Variants in FAM193A observed in about 807,000 individuals in gnomAD.
The protein encoded by FAM193A is protein FAM193A.
FAM193A carries 22 observed loss-of-function variants against 126.5 expected under a neutral mutation model. The observed-to-expected ratio is 0.17, with a 90% CI of 0.12 to 0.25. The LOEUF (loss-of-function observed/expected upper bound fraction) is 0.25. Ranked by LOEUF, FAM193A falls within the 10% of genes least tolerant of loss-of-function variation. The pLI is 1.00. For missense variants in FAM193A, 1,675 were observed against 1,672.8 expected, an observed-to-expected ratio of 1.00 and a Z score of -0.02; for synonymous variants, 761 against 646.8, an observed-to-expected ratio of 1.18 and a Z score of -2.68.
At chr4:2,712,818 T>G (rs1202215760) in intron 19 of FAM193A, among the ~76,000 whole-genome samples, 1 of 151,980 alleles carries the variant, frequency 6.6e-6, no homozygotes, top group Non-Finnish European at 1.5e-5. Flanking sequence ...AAAAAAATTG[T>G]GGGGCTGGGC....
intron 1 of FAM193A, among the ~76,000 whole-genome samples, chr4:2,540,641 C>T (rs768848681): frequency 6.6e-6 from 1 of 152,020 alleles, no homozygotes; most frequent in Non-Finnish European, 1.5e-5. Flanking sequence ...GAGTGAGACT[C>T]CGTCTCAAAA....
intron 19 of FAM193A, among the ~76,000 whole-genome samples, chr4:2,710,108 T>C (rs915236829): frequency 2.6e-5 from 4 of 151,916 alleles, no homozygotes; most frequent in African/African-American, 9.7e-5. Context: ...ATGTATTTTG[T>C]TAGTTTTTTA....
At chr4:2,730,456 C>T (rs1048889444) in intron 20 of FAM193A, among the ~76,000 whole-genome samples, 2 of 152,140 alleles carry the variant, frequency 1.3e-5, no homozygotes, top group Admixed American at 6.6e-5. Context: ...TTTGCGAGGC[C>T]GAGGAGGGCA....
At chr4:2,716,759 C>T (rs955768029) in intron 20 of FAM193A, among the ~76,000 whole-genome samples, 3 of 152,134 alleles carry the variant, frequency 2.0e-5, no homozygotes, top group African/African-American at 4.8e-5. Context: ...TCACTGCAAC[C>T]TCTGCCTCCC....
Position 2,607,569 on chromosome 4 carries a change from A to G in FAM193A, c.501+11240A>G, listed in dbSNP as rs76303852. Among the ~76,000 whole-genome samples, 17 of 152,356 alleles carry G rather than the reference A, an allele frequency of 1.1e-4. No individual in the cohort carries two copies. In the East Asian group the frequency reaches 3.1e-3, roughly 28 times the overall value. Reference sequence around the variant, plus strand: ...ATCTGTCTGCTGATACATATTTAACATAGGTGTCAACCAGATTTGTTTTTA... The same window carrying G: ...ATCTGTCTGCTGATACATATTTAACGTAGGTGTCAACCAGATTTGTTTTTA... On this transcript the variant is annotated intron_variant, in intron 2 of 20. Transcript: ENST00000637812.
chr4:2,678,370 T>G lies in FAM193A; in HGVS notation c.2331+5998T>G, dbSNP rs186884627. Among the ~76,000 whole-genome samples, 538 of 149,308 alleles carry G rather than the reference T, an allele frequency of 3.6e-3. 4 individuals carry two copies. Among genetic ancestry groups the G allele is most frequent in the Non-Finnish European group, 5.6e-3 (377 of 67,112 alleles). On this transcript the variant is annotated intron_variant, in intron 13 of 20. Coordinates refer to ENST00000637812, the MANE Select transcript of FAM193A (RefSeq NM_001366318.2). Reference sequence around the variant, plus strand: ...GTTTTGGTTTTGGTGGTTTTTTTTTTTTTTTTTTTTGAGACAGAATCTCAC... The same window carrying G: ...GTTTTGGTTTTGGTGGTTTTTTTTTGTTTTTTTTTTGAGACAGAATCTCAC...
chr4:2,612,138 A>G (rs1057326861), intron 2 of FAM193A, among the ~76,000 whole-genome samples: 1 of 150,886 alleles, frequency 6.6e-6, no homozygotes, highest in Non-Finnish European at 1.5e-5. Flanking sequence ...GCCCGGCTCC[A>G]ATTTGTGTTT....
At chr4:2,702,997 C>G (rs1432108956) in intron 19 of FAM193A, among the ~76,000 whole-genome samples, 1 of 152,114 alleles carries the variant, frequency 6.6e-6, no homozygotes, top group African/African-American at 2.4e-5. Context: ...CCCACCCACT[C>G]CCTGTAGGTA....
intron 1 of FAM193A, among the ~76,000 whole-genome samples, chr4:2,575,444 G>A (rs1375219029): frequency 6.6e-6 from 1 of 151,182 alleles, no homozygotes; most frequent in Non-Finnish European, 1.5e-5. Context: ...TAAATGTGTT[G>A]GGTATTTGTT....
intron 1 of FAM193A, among the ~76,000 whole-genome samples, chr4:2,590,237 C>T (rs377403370): frequency 3.3e-5 from 5 of 150,950 alleles, no homozygotes; most frequent in South Asian, 2.1e-4. Context: ...TTTGGGAGGC[C>T]GAGGCGGGCA....
At chr4:2,662,024 A>C (rs112553629) in intron 10 of FAM193A, among the ~76,000 whole-genome samples, 3,664 of 152,168 alleles carry the variant, frequency 0.024, 76 homozygotes, top group Non-Finnish European at 0.04. Flanking sequence ...TCTACTAAAA[A>C]TACAAAAAAT....
chr4:2,634,789 A>G (rs1743930779), intron 5 of FAM193A, among the ~76,000 whole-genome samples: 1 of 152,206 alleles, frequency 6.6e-6, no homozygotes, highest in East Asian at 1.9e-4. Context: ...CAGAACATCA[A>G]AGAAAAAGTG....
intron 1 of FAM193A, among the ~76,000 whole-genome samples, chr4:2,594,735 G>A (rs972047499): frequency 6.6e-6 from 1 of 150,678 alleles, no homozygotes; most frequent in African/African-American, 2.4e-5. Context: ...TGTCTCCCCC[G>A]ACACACACAC....
At chr4:2,675,475 T>C (rs978040995) in intron 13 of FAM193A, among the ~76,000 whole-genome samples, 4 of 152,200 alleles carry the variant, frequency 2.6e-5, no homozygotes, top group Admixed American at 6.5e-5. Flanking sequence ...TCTTGGAGAA[T>C]TGACCCTTTT....
At chr4:2,678,836 T>A (rs373552955) in intron 13 of FAM193A, among the ~76,000 whole-genome samples, 8 of 152,188 alleles carry the variant, frequency 5.3e-5, no homozygotes, top group South Asian at 2.1e-4. Flanking sequence ...ATCTTTGGAG[T>A]TCTCTACATT....
At chr4:2,731,262 G>A (rs1372135275) in intron 20 of FAM193A, among the ~76,000 whole-genome samples, 1 of 148,836 alleles carries the variant, frequency 6.7e-6, no homozygotes, top group African/African-American at 2.5e-5. Context: ...CTAGCTACTT[G>A]GGAGGCTGAG....
intron 20 of FAM193A, among the ~76,000 whole-genome samples, chr4:2,722,250 C>T (rs933045730): frequency 6.6e-6 from 1 of 152,050 alleles, no homozygotes; most frequent in Non-Finnish European, 1.5e-5. Flanking sequence ...AGTCTGCAGT[C>T]GACAAAACAG....
chr4:2,568,973 C>CTTTTTTTTTTTTTTTTTTTTTTTTTTT (rs753557878), intron 1 of FAM193A, among the ~76,000 whole-genome samples: 6 of 90,726 alleles, frequency 6.6e-5, no homozygotes, highest in Non-Finnish European at 1.2e-4. Context: ...TGTTGTTTTG[C>CTTTTTTTTTTTTTTTTTTTTTTTTTTT]TTTTTTTTTT....
At chr4:2,693,982 A>G in intron 16 of FAM193A, 108 bp downstream of exon 16, 1 of 1,201,160 alleles carries the variant, frequency 8.3e-7, no homozygotes, top group Non-Finnish European at 1.2e-6. Flanking sequence ...GGAAAAGTCT[A>G]GTGAAATGCC....
Sources: allele counts gnomAD v4.1 joint callset (sites outside exome capture counted in the v4.1 genomes callset), GRCh38; gene constraint gnomAD v4.1.1; transcripts MANE v1.5; gene names NCBI Gene and HGNC (gene_info 2026-07-23, HGNC 2026-07-21).